The following INPP5D variants were observed in gnomAD, a reference collection of about 807,000 sequenced individuals.
The protein encoded by INPP5D is inositol polyphosphate-5-phosphatase D, also known as phosphatidylinositol 3,4,5-trisphosphate 5-phosphatase 1.
In INPP5D, 33 loss-of-function variants were observed where a neutral mutation model predicts 122.9. The ratio of observed to expected loss-of-function variants is 0.27; its 90% confidence interval spans 0.20 to 0.36. The LOEUF (loss-of-function observed/expected upper bound fraction) is 0.36. INPP5D is among the 10% of genes least tolerant of loss of function. INPP5D has a pLI of 1.00. For missense variants in INPP5D, 1,053 were observed against 1,412.7 expected, an observed-to-expected ratio of 0.75 and a Z score of 4.08; for synonymous variants, 584 against 576.2, an observed-to-expected ratio of 1.01 and a Z score of -0.19.
In INPP5D at chr2:233,204,192, C is replaced by G; in HGVS notation, c.3042C>G (p.Pro1014=). 2 of 1,611,536 alleles carry G rather than the reference C, an allele frequency of 1.2e-6. No homozygotes were observed. Among genetic ancestry groups the G allele is most frequent in the Non-Finnish European group, 1.7e-6 (2 of 1,179,026 alleles). The change falls in exon 26 of 27, where the codon CCC becomes CCG. Residue 1014 remains proline, a synonymous_variant. Transcript: ENST00000445964. ...LPQEDLPLTK[P]EMFENPLYGS... is the part of the protein sequence containing the mutation. ...AGGAGGACCTGCCGCTGACGAAGCC[C>G]GAGATGTTTGAGAACCCCCTGTATG...
intron 22 of INPP5D, among the ~76,000 whole-genome samples, chr2:233,192,170 G>A (rs1192814493): frequency 2.0e-5 from 3 of 152,218 alleles, no homozygotes; most frequent in Admixed American, 2.0e-4. Context: ...CGTCACGGAT[G>A]CAAGAGCATC....
chr2:233,125,926 C>A lies in INPP5D; in HGVS notation c.524+7C>A, dbSNP rs1693145439. 5 of 1,608,014 alleles carry A rather than the reference C, an allele frequency of 3.1e-6. No individual in the cohort carries two copies. Among genetic ancestry groups the A allele is most frequent in the Non-Finnish European group, 4.2e-6 (5 of 1,178,414 alleles). ...AAAGCATGGACACCAGTGGGTGAGT[C>A]CCCACTCAAGTCCAGCTGGGCCTTC... On this transcript the variant is annotated splice_region_variant and intron_variant, in intron 4 of 26. Transcript: ENST00000445964.
rs1368913914 is a variant in INPP5D at position 233,160,573 on chromosome 2, C to A, written c.1138-1151C>A. On this transcript the variant is annotated intron_variant, in intron 10 of 26. Transcript: ENST00000445964. This position sits in a 1 kb window ranked among gnomAD's most constrained non-coding sequence, Gnocchi z 4.2. ...TACCATGAGTTAATCTGGGACTATGCCCCTTCCAGATGTTTTTTAATTTTC... is the reference window on the plus strand; with the variant it reads ...TACCATGAGTTAATCTGGGACTATGACCCTTCCAGATGTTTTTTAATTTTC... Among the ~76,000 whole-genome samples the A allele has an allele frequency of 6.6e-6, 1 of 152,138 alleles. No individual in the cohort carries two copies. The highest frequency in any genetic ancestry group is 2.4e-5 in the African/African-American group (1 of 41,428).
intron 2 of INPP5D, among the ~76,000 whole-genome samples, chr2:233,085,985 A>G (rs1691820738): frequency 6.6e-6 from 1 of 152,164 alleles, no homozygotes; most frequent in Non-Finnish European, 1.5e-5. Flanking sequence ...TAACATCAAC[A>G]TGCACCATGT....
At chr2:233,072,448 G>A (rs1212840437) in intron 1 of INPP5D, among the ~76,000 whole-genome samples, 1 of 152,058 alleles carries the variant, frequency 6.6e-6, no homozygotes, top group Non-Finnish European at 1.5e-5. Flanking sequence ...TGTATTCATA[G>A]TTGAGGTTGA....
chr2:233,102,309 T>C (rs2106234782), intron 2 of INPP5D, among the ~76,000 whole-genome samples: 1 of 152,278 alleles, frequency 6.6e-6, no homozygotes, highest in Admixed American at 6.5e-5. Context: ...CATGATGCTG[T>C]AACTGGAGCT....
At chr2:233,067,006 G>A (rs1021614777) in intron 1 of INPP5D, among the ~76,000 whole-genome samples, 6 of 152,188 alleles carry the variant, frequency 3.9e-5, no homozygotes, top group Admixed American at 1.3e-4. Flanking sequence ...CCGAACTCCT[G>A]ACCTCAGGTG....
intron 18 of INPP5D, among the ~76,000 whole-genome samples, chr2:233,178,619 A>T (rs1054659876): frequency 2.0e-5 from 3 of 152,082 alleles, no homozygotes; most frequent in Non-Finnish European, 4.4e-5. Context: ...AGTAGCTGGG[A>T]TATCAGGCAC....
intron 2 of INPP5D, among the ~76,000 whole-genome samples, chr2:233,087,419 C>T (rs1691882461): frequency 2.0e-5 from 3 of 152,090 alleles, no homozygotes; most frequent in South Asian, 4.1e-4. Context: ...CCCTGCCTCC[C>T]GGGTTGAAGT....
chr2:233,173,472 A>G (rs981944481), intron 17 of INPP5D, among the ~76,000 whole-genome samples: 2 of 152,294 alleles, frequency 1.3e-5, no homozygotes, highest in South Asian at 2.1e-4. Context: ...CTTTTTATTT[A>G]TAAACAATTT....
chr2:233,113,117 C>A (rs1028359017), intron 2 of INPP5D, among the ~76,000 whole-genome samples: 2 of 152,158 alleles, frequency 1.3e-5, no homozygotes, highest in Non-Finnish European at 2.9e-5. Context: ...GTATTATCCC[C>A]AAGAAGGGTA....
intron 13 of INPP5D, among the ~76,000 whole-genome samples, chr2:233,166,644 T>A (rs1233685912): frequency 6.6e-6 from 1 of 152,012 alleles, no homozygotes; most frequent in East Asian, 1.9e-4. Context: ...GCCTCCCTCC[T>A]CCACTCCCCT....
chr2:233,186,717 T>C (rs1694928133), intron 21 of INPP5D, among the ~76,000 whole-genome samples: 1 of 56,176 alleles, frequency 1.8e-5, no homozygotes, highest in African/African-American at 8.7e-5. Context: ...TTTTTTTTTT[T>C]TTTTTTTTTT....
chr2:233,116,248 G>GATAGATAGATAGATAC (rs34084880), intron 2 of INPP5D, among the ~76,000 whole-genome samples: 1 of 135,194 alleles, frequency 7.4e-6, no homozygotes, highest in Non-Finnish European at 1.5e-5. Context: ...TAGATAGATA[G>GATAGATAGATAGATAC]ATAGATATAG....
chr2:233,064,466 C>A (rs1344203079), intron 1 of INPP5D, among the ~76,000 whole-genome samples: 1 of 152,254 alleles, frequency 6.6e-6, no homozygotes, highest in Non-Finnish European at 1.5e-5. Flanking sequence ...TGTTACCAAC[C>A]TGCTCCGCCT....
chr2:233,143,819 GTGGTGATGGTGA>G (rs1184352407), intron 6 of INPP5D, among the ~76,000 whole-genome samples: 2 of 152,024 alleles, frequency 1.3e-5, no homozygotes, highest in Non-Finnish European at 2.9e-5. Flanking sequence ...GGAGATGGTG[GTGGTGATGGTGA>G]TGGTGATGGT....
chr2:233,155,474 T>G (rs1694025232), intron 9 of INPP5D, among the ~76,000 whole-genome samples: 1 of 151,502 alleles, frequency 6.6e-6, no homozygotes, highest in African/African-American at 2.4e-5. Flanking sequence ...AATACAAAAT[T>G]AGATGGGCAT....
chr2:233,066,160 C>A (rs148098369), intron 1 of INPP5D, among the ~76,000 whole-genome samples: 209 of 152,232 alleles, frequency 1.4e-3, no homozygotes, highest in African/African-American at 4.8e-3. Flanking sequence ...TGCTATGTTG[C>A]CCAGGCTGGC....
intron 9 of INPP5D, among the ~76,000 whole-genome samples, chr2:233,151,254 C>G (rs553349841): frequency 6.6e-6 from 1 of 152,224 alleles, no homozygotes; most frequent in Admixed American, 6.5e-5. Context: ...GGGAGGATCA[C>G]TTGGAGCCAG....
Sources: gnomAD v4.1 joint callset for allele counts (sites outside exome capture counted in the v4.1 genomes callset) on GRCh38, gnomAD v4.1.1 for gene constraint, Gnocchi (gnomAD v3.1) non-coding constraint, MANE v1.5 for transcripts, NCBI Gene and HGNC (gene_info 2026-07-23, HGNC 2026-07-21) for gene names.